The following HSD11B2 variants were observed in gnomAD, a reference collection of about 807,000 sequenced individuals.
HSD11B2 encodes 11-beta-hydroxysteroid dehydrogenase type 2.
In HSD11B2, 17 loss-of-function variants were observed where a neutral mutation model predicts 20.9. The observed-to-expected ratio is 0.81, with a 90% CI of 0.56 to 1.22. The LOEUF is 1.22. HSD11B2 is among the 50% of genes most tolerant of loss of function. The probability of loss-of-function intolerance (pLI) is 0.00; values close to 1 mark genes in which losing one functional copy is unlikely to be tolerated. For missense variants in HSD11B2, 480 were observed against 563.6 expected (o/e 0.85, Z 1.50); for synonymous variants, 253 against 255.4 (o/e 0.99, Z 0.09).
Position 67,431,384 on chromosome 16 carries a change from T to C in HSD11B2, c.136T>C (p.Trp46Arg), listed in dbSNP as rs1305905886. The C allele has an allele frequency of 7.9e-7, 1 of 1,262,172 alleles. No individual in the cohort carries two copies. The highest frequency in any genetic ancestry group is 1.0e-6 in the Non-Finnish European group (1 of 999,292). The allele number at this position is 1,262,172 out of a possible 1,614,324, so 78.2% of individuals were successfully genotyped here. Residue 46 changes from tryptophan (W) to arginine (R), a missense_variant, in exon 1 of 5, where the codon TGG becomes CGG. Transcript: ENST00000326152. The part of the protein sequence containing the change: ...AALALLAALD[W>R]LCQRLLPPPA... ...GCTGGCGCTGCTGGCCGCGCTCGAC[T>C]GGCTGTGCCAGCGCCTGCTGCCCCC...
intron 1 of HSD11B2, 166 bp from the exon 2 acceptor site, chr16:67,435,462 G>A (rs1312762928): frequency 4.3e-6 from 3 of 702,910 alleles, no homozygotes; most frequent in Non-Finnish European, 7.8e-6. Context: ...TCAGCTAGAG[G>A]GACACAGCCT....
At position 67,436,182 on chromosome 16, in the gene HSD11B2, G is replaced by A. The variant is rs745516872; in HGVS notation, c.664+40G>A. The A allele has an allele frequency of 1.2e-6, 2 of 1,613,706 alleles. No homozygotes were observed. The highest frequency in any genetic ancestry group is 1.7e-6 in the Non-Finnish European group (2 of 1,179,842). On this transcript the variant is annotated intron_variant, in intron 3 of 4. Transcript: ENST00000326152. The surrounding 1 kb of genome is among the most constrained non-coding windows in gnomAD (Gnocchi z 5.7). ...CCACTGGAGCAAAAAGGAGCCCCCTGGGGTGGGGGAGGGCTTAGGGAGCCC... is the reference window on the plus strand; with the variant it reads ...CCACTGGAGCAAAAAGGAGCCCCCTAGGGTGGGGGAGGGCTTAGGGAGCCC...
Position 67,436,765 on chromosome 16 carries a change from A to G in HSD11B2, c.980A>G (p.Asp327Gly). ...ACCCCAGTTGTAGATGCCATCACAGATGCGCTGCTGGCAGCTCGGCCCCGC... is the reference window on the plus strand; with the variant it reads ...ACCCCAGTTGTAGATGCCATCACAGGTGCGCTGCTGGCAGCTCGGCCCCGC... Reference protein sequence around the residue: ...DLTPVVDAITDALLAARPRRR... With the variant: ...DLTPVVDAITGALLAARPRRR... The change falls in exon 5 of 5, where the codon GAT (aspartate) becomes GGT (glycine). Residue 327 changes from aspartate to glycine, a missense_variant. Asp to Gly is a moderately conservative substitution (Grantham distance 94). Transcript: ENST00000326152. The surrounding 1 kb of genome is among the most constrained non-coding windows in gnomAD (Gnocchi z 5.7). 1 of 1,613,986 alleles carries G rather than the reference A, an allele frequency of 6.2e-7. No homozygotes were observed. The highest frequency in any genetic ancestry group is 8.5e-7 in the Non-Finnish European group (1 of 1,180,032).
chr16:67,431,569 A>T, intron 1 of HSD11B2, 56 bp downstream of exon 1: 1 of 1,263,022 alleles, frequency 7.9e-7, no homozygotes, highest in Non-Finnish European at 1.0e-6. Context: ...GGGACTGGAC[A>T]CTCAACAGGA....
chr16:67,436,081 G>A lies in HSD11B2; in HGVS notation c.603G>A (p.Lys201=), dbSNP rs757425144. Residue 201 remains lysine (K), a synonymous_variant, in exon 3 of 5, where the codon AAG becomes AAA. Transcript: ENST00000326152. This position sits in a 1 kb window ranked among gnomAD's most constrained non-coding sequence, Gnocchi z 5.7. ...VNFFGALELT[K]GLLPLLRSSR... ...TCTTTGGCGCGCTCGAGCTGACCAAGGGCCTCCTGCCCCTGCTGCGCAGCT... is the reference window on the plus strand; with the variant it reads ...TCTTTGGCGCGCTCGAGCTGACCAAAGGCCTCCTGCCCCTGCTGCGCAGCT... The A allele has an allele frequency of 2.0e-5, 33 of 1,614,092 alleles. No individual in the cohort carries two copies. Among genetic ancestry groups the A allele is most frequent in the Non-Finnish European group, 2.7e-5 (32 of 1,180,056 alleles).
Position 67,436,360 on chromosome 16 carries a change from T to C in HSD11B2, c.776T>C (p.Ile259Thr). 7.3e-7 allele frequency: 1 copy of C among 1,375,710 alleles called. No individual in the cohort carries two copies. Among genetic ancestry groups the C allele is most frequent in the Non-Finnish European group, 9.6e-7 (1 of 1,038,416 alleles). 85.2% of individuals were successfully genotyped at this position (1,375,710 alleles called of 1,614,324 possible). ...ELLPWGVKVS[I>T]IQPGCFKTES... is the part of the protein sequence containing the mutation. ...CTTCCCTGGGGGGTCAAGGTCAGCA[T>C]CATCCAGCCTGGCTGCTTCAAGACA... The change falls in exon 4 of 5, where the codon ATC becomes ACC. Residue 259 changes from isoleucine (I) to threonine (T), a missense_variant. Around this residue, in one of 2 missense-constraint regions of HSD11B2, gnomAD observed 374 missense variants for 480.9 expected, o/e 0.78. Coordinates refer to ENST00000326152, the MANE Select transcript of HSD11B2 (RefSeq NM_000196.4). The surrounding 1 kb of genome is among the most constrained non-coding windows in gnomAD (Gnocchi z 5.7).
Position 67,436,233 on chromosome 16 carries a change from C to G in HSD11B2, c.665-16C>G, listed in dbSNP as rs2040971231. On this transcript the variant is annotated splice_polypyrimidine_tract_variant and intron_variant, in intron 3 of 4. Transcript: ENST00000326152. This position sits in a 1 kb window ranked among gnomAD's most constrained non-coding sequence, Gnocchi z 5.7. ...CTTGCCAAAGCTGAGCTGCCCCACT[C>G]CCAATCCATCCGCAGGGGACATGCC... is the stretch of plus-strand genomic sequence containing the variant. The G allele has an allele frequency of 6.2e-7, 1 of 1,613,938 alleles. No homozygotes were observed. Among genetic ancestry groups the G allele is most frequent in the Non-Finnish European group, 8.5e-7 (1 of 1,179,992 alleles).
rs1474986564 is a variant in HSD11B2 at position 67,431,356 on chromosome 16, G to C, written c.108G>C (p.Ala36=). Reference sequence around the variant, plus strand: ...TGCGTCTGGGCCGCCCGCTGCTGGCGGCGCTGGCGCTGCTGGCCGCGCTCG... The same window carrying C: ...TGCGTCTGGGCCGCCCGCTGCTGGCCGCGCTGGCGCTGCTGGCCGCGCTCG... ...SDLRLGRPLL[A]ALALLAALDW... Residue 36 remains alanine (A), a synonymous_variant, in exon 1 of 5, where the codon GCG becomes GCC. Coordinates refer to ENST00000326152, the MANE Select transcript of HSD11B2 (RefSeq NM_000196.4). 1 of 1,238,350 alleles carries C rather than the reference G, an allele frequency of 8.1e-7. No individual in the cohort carries two copies. Among genetic ancestry groups the C allele is most frequent in the Middle Eastern group, 3.2e-4 (1 of 3,092 alleles). The allele number at this position is 1,238,350 out of a possible 1,614,324, so 76.7% of individuals were successfully genotyped here. A position where few individuals can be genotyped will look rare whatever the true frequency, so the allele number is the denominator to read the frequency against.
rs761840350 is a variant in HSD11B2 at position 67,436,219 on chromosome 16, T to C, written c.665-30T>C. On this transcript the variant is annotated intron_variant, in intron 3 of 4. Coordinates refer to ENST00000326152, the MANE Select transcript of HSD11B2 (RefSeq NM_000196.4). The surrounding 1 kb of genome is among the most constrained non-coding windows in gnomAD (Gnocchi z 5.7). ...GGCTTAGGGAGCCCCTTGCCAAAGCTGAGCTGCCCCACTCCCAATCCATCC... is the reference window on the plus strand; with the variant it reads ...GGCTTAGGGAGCCCCTTGCCAAAGCCGAGCTGCCCCACTCCCAATCCATCC... 1.9e-5 allele frequency: 30 copies of C among 1,613,824 alleles called. No homozygotes were observed. Among genetic ancestry groups the C allele is most frequent in the Middle Eastern group, 1.6e-4 (1 of 6,078 alleles).
In HSD11B2 at chr16:67,437,367, G is replaced by T; in HGVS notation, c.*364G>T. On this transcript the variant is annotated 3_prime_UTR_variant, in exon 5 of 5. Transcript: ENST00000326152. ...CTAAGGAGTGACTAGGTGGGTTGGGGACCCCCTCAGGATTGTTTCTCGGCA... is the reference window on the plus strand; with the variant it reads ...CTAAGGAGTGACTAGGTGGGTTGGGTACCCCCTCAGGATTGTTTCTCGGCA... 1 of 357,624 alleles carries T rather than the reference G, an allele frequency of 2.8e-6. No individual in the cohort carries two copies. The allele number at this position is 357,624 out of a possible 1,614,324, so 22.2% of individuals were successfully genotyped here.
In HSD11B2 at chr16:67,436,132, G is replaced by C; in HGVS notation, c.654G>C (p.Gly218=). The C allele has an allele frequency of 6.2e-7, 1 of 1,613,774 alleles. No individual in the cohort carries two copies. Among genetic ancestry groups the C allele is most frequent in the Non-Finnish European group, 8.5e-7 (1 of 1,179,940 alleles). Residue 218 remains glycine (G), a synonymous_variant, in exon 3 of 5, where the codon GGG becomes GGC. Transcript: ENST00000326152. This position sits in a 1 kb window ranked among gnomAD's most constrained non-coding sequence, Gnocchi z 5.7. Reference sequence around the variant, plus strand: ...CAAGGGGCCGCATCGTGACTGTGGGGAGCCCAGCGGGTGAGTGCCCCCCCC... The same window carrying C: ...CAAGGGGCCGCATCGTGACTGTGGGCAGCCCAGCGGGTGAGTGCCCCCCCC... ...RSSRGRIVTV[G]SPAGDMPYPC...
In HSD11B2 at chr16:67,431,484, C is replaced by T. The variant is rs767338144; in HGVS notation, c.236C>T (p.Pro79Leu). 3.2e-5 allele frequency: 45 copies of T among 1,398,498 alleles called. No individual in the cohort carries two copies. The highest frequency in any genetic ancestry group is 3.8e-5 in the Non-Finnish European group (41 of 1,074,314). 86.6% of individuals were successfully genotyped at this position (1,398,498 alleles called of 1,614,324 possible). Residue 79 changes from proline (P) to leucine (L), a missense_variant, in exon 1 of 5, where the codon CCG becomes CTG. Physicochemically the swap from Pro to Leu is moderately conservative, Grantham distance 98. Coordinates refer to ENST00000326152, the MANE Select transcript of HSD11B2 (RefSeq NM_000196.4). ...LSRLARPQRLPVATRAVLITG... is the reference protein window; with the variant it reads ...LSRLARPQRLLVATRAVLITG... ...CGCCTGGCGCGCCCGCAGCGCCTGC[C>T]GGTGGCCACTCGCGCGGTGCTCATC...
chr16:67,431,280 C>T lies in HSD11B2; in HGVS notation c.32C>T (p.Ala11Val). 3.1e-6 allele frequency: 4 copies of T among 1,270,154 alleles called. No individual in the cohort carries two copies. Among genetic ancestry groups the T allele is most frequent in the Non-Finnish European group, 3.0e-6 (3 of 997,758 alleles). 78.7% of individuals were successfully genotyped at this position (1,270,154 alleles called of 1,614,324 possible). A position where few individuals can be genotyped will look rare whatever the true frequency, so the allele number is the denominator to read the frequency against. Residue 11 changes from alanine to valine, a missense_variant, in exon 1 of 5, where the codon GCC becomes GTC. Around this residue, in one of 2 missense-constraint regions of HSD11B2, gnomAD observed 106 missense variants for 82.8 expected, o/e 1.28. Coordinates refer to ENST00000326152, the MANE Select transcript of HSD11B2 (RefSeq NM_000196.4). ...CGCTGGCCTTGGCCGTCGGGCGGCGCCTGGCTGCTCGTGGCTGCCCGCGCG... is the reference window on the plus strand; with the variant it reads ...CGCTGGCCTTGGCCGTCGGGCGGCGTCTGGCTGCTCGTGGCTGCCCGCGCG... MERWPWPSGG[A>V]WLLVAARALL...
Position 67,435,755 on chromosome 16 carries a change from C to T in HSD11B2, c.393C>T (p.Arg131=), listed in dbSNP as rs1330152023. ...AIELRTCCSP[R]LRLLQMDLTK... is the part of the protein sequence containing the mutation. ...AGCTGCGTACCTGCTGCTCCCCTCG[C>T]CTAAGGCTGCTGCAGATGGACCTGA... The change falls in exon 2 of 5, where the codon CGC becomes CGT. Residue 131 remains arginine, a synonymous_variant. Coordinates refer to ENST00000326152, the MANE Select transcript of HSD11B2 (RefSeq NM_000196.4). 9 of 1,613,998 alleles carry T rather than the reference C, an allele frequency of 5.6e-6. No homozygotes were observed. The highest frequency in any genetic ancestry group is 7.6e-6 in the Non-Finnish European group (9 of 1,180,036).
chr16:67,435,169 C>T (rs945405631), intron 1 of HSD11B2, among the ~76,000 whole-genome samples: 5 of 149,428 alleles, frequency 3.3e-5, no homozygotes, highest in Non-Finnish European at 5.9e-5. Context: ...TGCCACTGCA[C>T]TCCAGCCTGG....
At position 67,431,375 on chromosome 16, in the gene HSD11B2, G is replaced by T; in HGVS notation, c.127G>T (p.Ala43Ser). The change falls in exon 1 of 5, where the codon GCG (alanine) becomes TCG (serine). Residue 43 changes from alanine to serine, a missense_variant. Ala to Ser is a moderately conservative substitution (Grantham distance 99). Transcript: ENST00000326152. Reference sequence around the variant, plus strand: ...GCTGGCGGCGCTGGCGCTGCTGGCCGCGCTCGACTGGCTGTGCCAGCGCCT... The same window carrying T: ...GCTGGCGGCGCTGGCGCTGCTGGCCTCGCTCGACTGGCTGTGCCAGCGCCT... ...PLLAALALLA[A>S]LDWLCQRLLP... 8.0e-7 allele frequency: 1 copy of T among 1,256,244 alleles called. No individual in the cohort carries two copies. Among genetic ancestry groups the T allele is most frequent in the South Asian group, 2.2e-5 (1 of 45,546 alleles). 77.8% of individuals were successfully genotyped at this position (1,256,244 alleles called of 1,614,324 possible).
In HSD11B2 at chr16:67,436,034, C is replaced by T. The variant is rs768507002; in HGVS notation, c.556C>T (p.Arg186Cys). ...GGAGCTGTCTCCAGTGGCCACTTTC[C>T]GTAGCTGCATGGAGGTGAATTTCTT... ...DAELSPVATFRSCMEVNFFGA... is the reference protein window; with the variant it reads ...DAELSPVATFCSCMEVNFFGA... The change falls in exon 3 of 5, where the codon CGT (arginine) becomes TGT (cysteine). Residue 186 changes from arginine to cysteine, a missense_variant. By Grantham distance (180) the Arg-to-Cys change is radical (BLOSUM62 -3). Coordinates refer to ENST00000326152, the MANE Select transcript of HSD11B2 (RefSeq NM_000196.4). The surrounding 1 kb of genome is among the most constrained non-coding windows in gnomAD (Gnocchi z 5.7). 6.2e-7 allele frequency: 1 copy of T among 1,614,208 alleles called. No individual in the cohort carries two copies. The highest frequency in any genetic ancestry group is 8.5e-7 in the Non-Finnish European group (1 of 1,180,024).
intron 1 of HSD11B2, among the ~76,000 whole-genome samples, chr16:67,434,666 T>C (rs1244179931): frequency 1.3e-5 from 2 of 152,102 alleles, no homozygotes; most frequent in Non-Finnish European, 2.9e-5. Context: ...GAGGATCACT[T>C]GAGCCCAGGA....
Position 67,436,144 on chromosome 16 carries a change from T to C in HSD11B2, c.664+2T>C. The stretch of plus-strand genomic sequence containing the variant: ...TCGTGACTGTGGGGAGCCCAGCGGG[T>C]GAGTGCCCCCCCCCACTGGAGCAAA... On this transcript the variant is annotated splice_donor_variant, in intron 3 of 4. Coordinates refer to ENST00000326152, the MANE Select transcript of HSD11B2 (RefSeq NM_000196.4). LOFTEE classifies it high-confidence loss of function. This position sits in a 1 kb window ranked among gnomAD's most constrained non-coding sequence, Gnocchi z 5.7. The C allele has an allele frequency of 6.2e-7, 1 of 1,613,100 alleles. No homozygotes were observed. Among genetic ancestry groups the C allele is most frequent in the Non-Finnish European group, 8.5e-7 (1 of 1,179,762 alleles).
Sources: allele counts gnomAD v4.1 joint callset (sites outside exome capture counted in the v4.1 genomes callset), GRCh38; gene constraint gnomAD v4.1.1; regional missense constraint gnomAD v4.1.1; non-coding constraint Gnocchi (gnomAD v3.1); transcripts MANE v1.5; gene names NCBI Gene and HGNC (gene_info 2026-07-23, HGNC 2026-07-21).